Variants in GARNL3 observed in about 807,000 individuals in gnomAD.
GARNL3 encodes the protein GTPase-activating Rap/Ran-GAP domain-like protein 3.
GARNL3 carries 63 observed loss-of-function variants against 125.0 expected under a neutral mutation model. The ratio of observed to expected loss-of-function variants is 0.50; its 90% CI spans 0.41 to 0.62. The LOEUF is 0.62. Among genes scored for constraint, GARNL3 ranks in the 20% least tolerant of loss-of-function variants. The probability of loss-of-function intolerance (pLI) is 0.00; values close to 1 mark genes in which losing one functional copy is unlikely to be tolerated. For synonymous variants in GARNL3, 439 were observed against 457.5 expected (o/e 0.96, Z 0.52); for missense variants, 994 against 1,244.0 (o/e 0.80, Z 3.02).
chr9:127,312,729 G>T (rs963322980), intron 3 of GARNL3, among the ~76,000 whole-genome samples: 3 of 152,186 alleles, frequency 2.0e-5, no homozygotes, highest in African/African-American at 4.8e-5. Flanking sequence ...ATTGTAAGAA[G>T]TTCCTTTATT....
rs532415376 is a variant in GARNL3 at position 127,360,721 on chromosome 9, C to G, written c.2094+3344C>G. Among the ~76,000 whole-genome samples, 6 of 152,310 alleles carry G rather than the reference C, an allele frequency of 3.9e-5. No homozygotes were observed. The South Asian group carries it at 1.2e-3, about 32-fold the overall frequency. ...CATTCCGTCTACATTCGCTGCCTGC[C>G]CGCCTCTGTGGGCACCAGTGTTAAC... On this transcript the variant is annotated intron_variant, in intron 21 of 27. Coordinates refer to ENST00000373387, the MANE Select transcript of GARNL3 (RefSeq NM_032293.5).
chr9:127,376,338 C>A (rs932401881), intron 22 of GARNL3, among the ~76,000 whole-genome samples: 3 of 152,092 alleles, frequency 2.0e-5, no homozygotes, highest in African/African-American at 4.8e-5. Flanking sequence ...CCTGCCTCAG[C>A]TTCCCGAGTA....
intron 17 of GARNL3, among the ~76,000 whole-genome samples, chr9:127,350,458 T>C (rs1830364594): frequency 6.6e-6 from 1 of 152,188 alleles, no homozygotes; most frequent in Non-Finnish European, 1.5e-5. Flanking sequence ...ATCTTTACTA[T>C]GTCTCTATGA....
intron 7 of GARNL3, 103 bp downstream of exon 7, chr9:127,325,198 C>CA: frequency 8.7e-7 from 1 of 1,148,364 alleles, no homozygotes; most frequent in African/African-American, 1.5e-5. Context: ...GCCAAATCTC[C>CA]ATGTAGATTT....
chr9:127,365,108 T>C, intron 21 of GARNL3, 192 bp from the exon 22 acceptor site: 2 of 527,326 alleles, frequency 3.8e-6, no homozygotes, highest in East Asian at 6.2e-5. Flanking sequence ...TTTCTTTTCT[T>C]TTCTTTCTCA....
intron 1 of GARNL3, among the ~76,000 whole-genome samples, chr9:127,234,122 G>T (rs2063069003): frequency 6.6e-6 from 1 of 152,090 alleles, no homozygotes; most frequent in Admixed American, 6.5e-5. Context: ...TCTAGTATTG[G>T]GCTGACATAA....
chr9:127,232,611 C>T (rs1394271587), intron 1 of GARNL3, among the ~76,000 whole-genome samples: 5 of 152,192 alleles, frequency 3.3e-5, no homozygotes, highest in African/African-American at 1.2e-4. Flanking sequence ...GCCCAGCCTG[C>T]ATTAGCATCT....
intron 1 of GARNL3, among the ~76,000 whole-genome samples, chr9:127,285,627 A>G (rs1232544729): frequency 6.6e-6 from 1 of 152,128 alleles, no homozygotes; most frequent in Non-Finnish European, 1.5e-5. Flanking sequence ...TACAATTATA[A>G]TTTTATAAAC....
At chr9:127,234,779 T>G (rs1374697651) in intron 1 of GARNL3, among the ~76,000 whole-genome samples, 2 of 152,166 alleles carry the variant, frequency 1.3e-5, no homozygotes, top group Non-Finnish European at 2.9e-5. Context: ...TACAGCACCT[T>G]TTGTGTCCTC....
chr9:127,325,326 G>A (rs370576327), intron 7 of GARNL3, among the ~76,000 whole-genome samples: 2 of 152,090 alleles, frequency 1.3e-5, no homozygotes, highest in East Asian at 3.9e-4. Flanking sequence ...ACTTAAATCT[G>A]CTTGGAAACA....
chr9:127,268,311 T>C (rs1036434772), intron 1 of GARNL3, among the ~76,000 whole-genome samples: 5 of 152,184 alleles, frequency 3.3e-5, no homozygotes, highest in African/African-American at 1.2e-4. Flanking sequence ...TATAAAGCAA[T>C]TCACTGAAAG....
intron 5 of GARNL3, among the ~76,000 whole-genome samples, chr9:127,319,645 A>G (rs1178144678): frequency 6.6e-6 from 1 of 152,180 alleles, no homozygotes; most frequent in Non-Finnish European, 1.5e-5. Context: ...CTCTCCACCA[A>G]GAGGCTAACA....
At position 127,353,932 on chromosome 9, in the gene GARNL3, A is replaced by C; in HGVS notation, c.1630A>C (p.Arg544=). 1 of 1,611,510 alleles carries C rather than the reference A, an allele frequency of 6.2e-7. No homozygotes were observed. Among genetic ancestry groups the C allele is most frequent in the Non-Finnish European group, 8.5e-7 (1 of 1,177,574 alleles). The change falls in exon 18 of 28, where the codon AGA becomes CGA. Residue 544 remains arginine, a synonymous_variant. Transcript: ENST00000373387. Reference sequence around the variant, plus strand: ...TGAGACCCTGGACCTTCTGGTTCTCAGAGCAGACAAAGGTGGTATTCCCTG... The same window carrying C: ...TGAGACCCTGGACCTTCTGGTTCTCCGAGCAGACAAAGGTGGTATTCCCTG... ...VLETLDLLVL[R]ADKGKDARLF... is the part of the protein sequence containing the mutation.
intron 22 of GARNL3, among the ~76,000 whole-genome samples, chr9:127,367,912 A>T (rs1831371737): frequency 6.6e-6 from 1 of 151,850 alleles, no homozygotes; most frequent in South Asian, 2.1e-4. Context: ...CCCACAACAC[A>T]TTGCCTGACA....
At chr9:127,243,450 G>C (rs983643748) in intron 2 of GARNL3, among the ~76,000 whole-genome samples, 3 of 152,212 alleles carry the variant, frequency 2.0e-5, no homozygotes, top group Admixed American at 2.0e-4. Flanking sequence ...TACTCGTCCA[G>C]GTCCTGTGTC....
intron 21 of GARNL3, 40 bp downstream of exon 21, chr9:127,357,417 G>A: frequency 6.2e-7 from 1 of 1,600,392 alleles, no homozygotes; most frequent in East Asian, 2.2e-5. Context: ...AATCAGAAAA[G>A]AGTAATCATC....
At chr9:127,344,978 A>G (rs746074346) in intron 15 of GARNL3, among the ~76,000 whole-genome samples, 1 of 152,226 alleles carries the variant, frequency 6.6e-6, no homozygotes, top group Non-Finnish European at 1.5e-5. Context: ...AGAAGTAGAA[A>G]GCTAGACAAG....
chr9:127,260,383 G>C (rs979764239), upstream of GARNL3, among the ~76,000 whole-genome samples: 3 of 152,140 alleles, frequency 2.0e-5, no homozygotes, highest in Non-Finnish European at 4.4e-5. Flanking sequence ...ACAACCTCTC[G>C]GAATAGGGCC....
At chr9:127,225,107 G>T (rs1046284017) in intron 1 of GARNL3, 9 of 138,080 alleles carry the variant, frequency 6.5e-5, no homozygotes, top group African/African-American at 2.2e-4. Context: ...GGCAGGCTGG[G>T]GTTCGGGGCG....
Sources: allele counts gnomAD v4.1 joint callset (sites outside exome capture counted in the v4.1 genomes callset), GRCh38; gene constraint gnomAD v4.1.1; transcripts MANE v1.5; gene names NCBI Gene and HGNC (gene_info 2026-07-23, HGNC 2026-07-21).